MAML3: variants seen among roughly 807,000 people sequenced by gnomAD.
MAML3 encodes the protein mastermind-like protein 3.
MAML3 carries 27 observed loss-of-function variants against 101.9 expected under a neutral mutation model. That is an observed-to-expected ratio of 0.27 (90% confidence interval 0.20 to 0.37). The LOEUF (loss-of-function observed/expected upper bound fraction) is 0.37, where lower values mean the gene tolerates loss of function less well. Ranked by LOEUF, MAML3 falls within the 10% of genes least tolerant of loss-of-function variation. The probability of loss-of-function intolerance (pLI) is 1.00; values close to 1 mark genes in which losing one functional copy is unlikely to be tolerated. For synonymous variants in MAML3, 501 were observed against 555.9 expected, an observed-to-expected ratio of 0.90 and a Z score of 1.39; for missense variants, 1,316 against 1,444.9, an observed-to-expected ratio of 0.91 and a Z score of 1.45.
At chr4:139,907,159 A>G (rs1436099928) in intron 1 of MAML3, among the ~76,000 whole-genome samples, 2 of 152,248 alleles carry the variant, frequency 1.3e-5, no homozygotes, top group African/African-American at 2.4e-5. Flanking sequence ...CAGGAACTTG[A>G]AAAGCAAAAA....
At chr4:139,916,706 T>C (rs1412997634) in intron 1 of MAML3, among the ~76,000 whole-genome samples, 1 of 152,234 alleles carries the variant, frequency 6.6e-6, no homozygotes, top group Non-Finnish European at 1.5e-5. Context: ...TATTTTTCTT[T>C]ATTAATAGCT....
At chr4:139,793,806 C>T (rs574051994) in intron 2 of MAML3, among the ~76,000 whole-genome samples, 1 of 152,302 alleles carries the variant, frequency 6.6e-6, no homozygotes, top group South Asian at 2.1e-4. Flanking sequence ...GATCAGCAAA[C>T]ATCTATAGGT....
At chr4:139,921,210 G>A (rs565948323) in intron 1 of MAML3, among the ~76,000 whole-genome samples, 4 of 152,208 alleles carry the variant, frequency 2.6e-5, no homozygotes, top group East Asian at 1.9e-4. Flanking sequence ...CCCCTGACAC[G>A]AACTCCCAAC....
chr4:139,787,369 T>G (rs1027855390), intron 2 of MAML3, among the ~76,000 whole-genome samples: 1 of 152,264 alleles, frequency 6.6e-6, no homozygotes, highest in Non-Finnish European at 1.5e-5. Context: ...GTTGCCTTTT[T>G]ATACCATGGG....
chr4:140,033,172 C>A (rs1726934464), intron 1 of MAML3, among the ~76,000 whole-genome samples: 1 of 152,228 alleles, frequency 6.6e-6, no homozygotes, highest in South Asian at 2.1e-4. Flanking sequence ...TTGAACACAT[C>A]CTGTGAACAT....
intron 1 of MAML3, among the ~76,000 whole-genome samples, chr4:140,089,534 T>C (rs575941731): frequency 1.3e-5 from 2 of 152,372 alleles, no homozygotes; most frequent in South Asian, 2.1e-4. Flanking sequence ...TCAGATTTCA[T>C]CTAGCTCCAG....
intron 2 of MAML3, among the ~76,000 whole-genome samples, chr4:139,883,057 AG>A (rs934103151): frequency 3.1e-4 from 47 of 152,318 alleles, no homozygotes; most frequent in African/African-American, 1.1e-3. Flanking sequence ...TCGAGAAAAC[AG>A]ACGACGCAAC....
intron 1 of MAML3, among the ~76,000 whole-genome samples, chr4:139,956,559 G>A (rs140257046): frequency 5.6e-4 from 85 of 152,244 alleles, no homozygotes; most frequent in Non-Finnish European, 1.0e-3. Context: ...TAGAGTCCCC[G>A]AATGAAAGGT....
chr4:139,890,068 A>C lies in MAML3; in HGVS notation c.1368T>G (p.Ala456=), dbSNP rs1190041313. 4.3e-6 allele frequency: 7 copies of C among 1,610,918 alleles called. No homozygotes were observed. Among genetic ancestry groups the C allele is most frequent in the Non-Finnish European group, 5.9e-6 (7 of 1,178,460 alleles). ...CTGGAGACATGTCAGAGCTGGGCACAGCCACAGGCCCTGACGCTGAACCGG... is the reference window on the plus strand; with the variant it reads ...CTGGAGACATGTCAGAGCTGGGCACCGCCACAGGCCCTGACGCTGAACCGG... ...TVAGSASGPV[A]VPSSDMSPAE... is the part of the protein sequence containing the mutation. The change falls in exon 2 of 5, where the codon GCT becomes GCG. Residue 456 remains alanine, a synonymous_variant. Coordinates refer to ENST00000509479, the MANE Select transcript of MAML3 (RefSeq NM_018717.5). The surrounding 1 kb of genome is among the most constrained non-coding windows in gnomAD (Gnocchi z 4.1).
intron 1 of MAML3, among the ~76,000 whole-genome samples, chr4:139,923,784 G>A (rs1733172935): frequency 6.6e-6 from 1 of 152,150 alleles, no homozygotes; most frequent in African/African-American, 2.4e-5. Context: ...AGGGTCATAA[G>A]TTACTGACCT....
chr4:139,977,899 A>AAC (rs929075198), intron 1 of MAML3, among the ~76,000 whole-genome samples: 12 of 152,160 alleles, frequency 7.9e-5, no homozygotes, highest in African/African-American at 2.9e-4. Context: ...AAAAACAAAA[A>AAC]AAAAACAAAA....
intron 2 of MAML3, among the ~76,000 whole-genome samples, chr4:139,878,239 T>C (rs1430376533): frequency 6.6e-6 from 1 of 152,178 alleles, no homozygotes; most frequent in East Asian, 1.9e-4. Context: ...ATTCTTGGTC[T>C]ATCTCGAAGC....
chr4:139,945,277 G>A (rs1294175676), intron 1 of MAML3, among the ~76,000 whole-genome samples: 1 of 152,140 alleles, frequency 6.6e-6, no homozygotes, highest in Non-Finnish European at 1.5e-5. Flanking sequence ...TCCTATTTCT[G>A]CAGATTCTTT....
At chr4:139,964,156 C>T (rs1233855976) in intron 1 of MAML3, among the ~76,000 whole-genome samples, 1 of 152,182 alleles carries the variant, frequency 6.6e-6, no homozygotes, top group African/African-American at 2.4e-5. Flanking sequence ...TATTGCAGCA[C>T]TATTTACAAC....
chr4:140,035,655 G>A (rs1202994369), intron 1 of MAML3, among the ~76,000 whole-genome samples: 5 of 152,048 alleles, frequency 3.3e-5, no homozygotes, highest in African/African-American at 7.2e-5. Context: ...TTAGCCGGGC[G>A]TGGTGGCACG....
intron 2 of MAML3, among the ~76,000 whole-genome samples, chr4:139,770,916 C>T (rs961533635): frequency 5.9e-5 from 9 of 152,154 alleles, no homozygotes; most frequent in African/African-American, 2.2e-4. Context: ...ACAGAGAATA[C>T]CAGGTTGGGA....
Position 139,986,783 on chromosome 4 carries a change from C to G in MAML3, c.469-95816G>C, listed in dbSNP as rs142078368. On this transcript the variant is annotated intron_variant, in intron 1 of 4. Coordinates refer to ENST00000509479, the MANE Select transcript of MAML3 (RefSeq NM_018717.5). ...CAGTGGCTCTGGTTAACGCAGGAAA[C>G]ACAGTAAATACACAGTAAATTGTAC... 2.9e-3 allele frequency among the ~76,000 whole-genome samples: 443 copies of G among 152,280 alleles called. 3 individuals carry two copies. Among genetic ancestry groups the G allele is most frequent in the African/African-American group, 0.01 (422 of 41,560 alleles).
chr4:140,045,288 G>A (rs1174669971), intron 1 of MAML3, among the ~76,000 whole-genome samples: 1 of 151,742 alleles, frequency 6.6e-6, no homozygotes, highest in African/African-American at 2.4e-5. Flanking sequence ...CCAGCTACTC[G>A]GGAGGCTGAG....
intron 1 of MAML3, among the ~76,000 whole-genome samples, chr4:140,073,647 G>T (rs753719970): frequency 6.6e-6 from 1 of 152,130 alleles, no homozygotes; most frequent in Non-Finnish European, 1.5e-5. Context: ...GGGACAGGGG[G>T]TGTATGTGAG....
Sources: allele counts gnomAD v4.1 joint callset (sites outside exome capture counted in the v4.1 genomes callset), GRCh38; gene constraint gnomAD v4.1.1; non-coding constraint Gnocchi (gnomAD v3.1); transcripts MANE v1.5; gene names NCBI Gene and HGNC (gene_info 2026-07-23, HGNC 2026-07-21).